The following ACTL8 variants were observed in gnomAD, a reference collection of about 807,000 sequenced individuals.
The protein encoded by ACTL8 is actin-like protein 8.
ACTL8 carries 3 observed loss-of-function variants against 9.3 expected under a neutral mutation model. The observed-to-expected ratio is 0.32, with a 90% CI of 0.15 to 0.83. The LOEUF (loss-of-function observed/expected upper bound fraction) is 0.83. ACTL8 is among the 40% of genes least tolerant of loss of function. The pLI is 0.57. For missense variants in ACTL8, 381 were observed against 492.2 expected, an observed-to-expected ratio of 0.77 and a Z score of 2.14; for synonymous variants, 224 against 205.9, an observed-to-expected ratio of 1.09 and a Z score of -0.75.
chr1:17,816,886 C>G (rs937755135), intron 1 of ACTL8, among the ~76,000 whole-genome samples: 3 of 152,140 alleles, frequency 2.0e-5, no homozygotes, highest in African/African-American at 7.2e-5. Context: ...TTTGCTCAGT[C>G]TTGGCTGTGC....
At chr1:17,819,964 G>T (rs775085501) in intron 1 of ACTL8, among the ~76,000 whole-genome samples, 2 of 151,880 alleles carry the variant, frequency 1.3e-5, no homozygotes, top group Non-Finnish European at 2.9e-5. Context: ...AGACGCGATC[G>T]TGCCACTGCC....
At position 17,826,044 on chromosome 1, in the gene ACTL8, T is replaced by A; in HGVS notation, c.626T>A (p.Met209Lys). 6.2e-7 allele frequency: 1 copy of A among 1,606,648 alleles called. No individual in the cohort carries two copies. The highest frequency in any genetic ancestry group is 8.5e-7 in the Non-Finnish European group (1 of 1,179,990). Residue 209 changes from methionine (M) to lysine (K), a missense_variant, in exon 3 of 3, where the codon ATG becomes AAG. Met to Lys is a moderately conservative substitution (Grantham distance 95). This residue lies in a region of ACTL8 where 243 missense variants were observed against 276.2 expected (regional missense o/e 0.88). Transcript: ENST00000375406. The surrounding 1 kb of genome is among the most constrained non-coding windows in gnomAD (Gnocchi z 4.5). ...CTGGAGACAGTCGCCGTGACTCAGATGAACAAGTGCTACGTGCCGCAGAAT... is the reference window on the plus strand; with the variant it reads ...CTGGAGACAGTCGCCGTGACTCAGAAGAACAAGTGCTACGTGCCGCAGAAT... ...FQLETVAVTQ[M>K]NKCYVPQNLG...
intron 1 of ACTL8, among the ~76,000 whole-genome samples, chr1:17,764,503 C>T (rs1031221982): frequency 1.8e-4 from 27 of 152,158 alleles, no homozygotes; most frequent in African/African-American, 6.3e-4. Context: ...TTCTGACAGG[C>T]AGCTTCCAGT....
At chr1:17,812,735 C>T (rs1029618582) in intron 1 of ACTL8, among the ~76,000 whole-genome samples, 1 of 151,758 alleles carries the variant, frequency 6.6e-6, no homozygotes, top group Non-Finnish European at 1.5e-5. Context: ...TCAGGCAACC[C>T]ACCCGCCTCA....
intron 1 of ACTL8, among the ~76,000 whole-genome samples, chr1:17,794,226 G>T (rs1326214513): frequency 6.6e-6 from 1 of 152,156 alleles, no homozygotes; most frequent in Non-Finnish European, 1.5e-5. Context: ...TGACCTTTTA[G>T]CCCGTGGTTA....
intron 1 of ACTL8, among the ~76,000 whole-genome samples, chr1:17,809,034 C>T (rs867840727): frequency 6.6e-6 from 1 of 152,106 alleles, no homozygotes; most frequent in Non-Finnish European, 1.5e-5. Flanking sequence ...TTTAGGGACA[C>T]GGGAGTGCAG....
chr1:17,761,312 C>A (rs188525229), intron 1 of ACTL8, among the ~76,000 whole-genome samples: 1 of 151,902 alleles, frequency 6.6e-6, no homozygotes, highest in African/African-American at 2.4e-5. Context: ...AAGGGCCTAG[C>A]GCAGTGCCTG....
intron 1 of ACTL8, among the ~76,000 whole-genome samples, chr1:17,768,940 A>G (rs748711355): frequency 1.3e-5 from 2 of 152,160 alleles, no homozygotes; most frequent in African/African-American, 2.4e-5. Context: ...CATCCCTCCT[A>G]TGTGCCTGAC....
intron 1 of ACTL8, among the ~76,000 whole-genome samples, chr1:17,790,426 A>G (rs2066230924): frequency 1.3e-5 from 2 of 152,218 alleles, no homozygotes; most frequent in African/African-American, 4.8e-5. Flanking sequence ...GACAAACAGA[A>G]GGTGAGCAAG....
chr1:17,820,347 T>G (rs559146941), intron 1 of ACTL8, among the ~76,000 whole-genome samples: 1 of 152,186 alleles, frequency 6.6e-6, no homozygotes, highest in Non-Finnish European at 1.5e-5. Context: ...GGTTGTTCAT[T>G]CTGTTTTATT....
At chr1:17,792,926 C>G (rs2102688627) in intron 1 of ACTL8, among the ~76,000 whole-genome samples, 1 of 152,266 alleles carries the variant, frequency 6.6e-6, no homozygotes. Flanking sequence ...TAGGCTCTCT[C>G]TCTGGGGTGT....
At chr1:17,789,286 G>A (rs1210084206) in intron 1 of ACTL8, among the ~76,000 whole-genome samples, 1 of 152,082 alleles carries the variant, frequency 6.6e-6, no homozygotes, top group Non-Finnish European at 1.5e-5. Context: ...GGGCAGGGGA[G>A]GACTGGGAAA....
intron 1 of ACTL8, among the ~76,000 whole-genome samples, chr1:17,773,623 T>C (rs2066098186): frequency 6.6e-6 from 1 of 152,160 alleles, no homozygotes; most frequent in Non-Finnish European, 1.5e-5. Flanking sequence ...TGGGGAGCAA[T>C]TTAGCCTGAT....
Position 17,756,804 on chromosome 1 carries a change from C to T in ACTL8, c.-25+1300C>T, listed in dbSNP as rs375186450. ...TGACATTATATGAGTCTATCATTTG[C>T]GGTTAAGACAAAATGCCACCTGAGG... is the stretch of plus-strand genomic sequence containing the variant. On this transcript the variant is annotated intron_variant, in intron 1 of 2. Transcript: ENST00000375406. Among the ~76,000 whole-genome samples the T allele has an allele frequency of 4.6e-5, 7 of 152,106 alleles. No individual in the cohort carries two copies. In the East Asian group the frequency reaches 7.7e-4, roughly 17 times the overall value.
intron 1 of ACTL8, among the ~76,000 whole-genome samples, chr1:17,820,670 G>C (rs11807495): frequency 0.023 from 3,441 of 151,810 alleles, 128 homozygotes; most frequent in African/African-American, 0.076. Flanking sequence ...TGGGTTCAAG[G>C]GAATCTCCTC....
intron 1 of ACTL8, among the ~76,000 whole-genome samples, chr1:17,795,458 A>C (rs982589469): frequency 1.3e-5 from 2 of 152,274 alleles, no homozygotes; most frequent in Non-Finnish European, 2.9e-5. Flanking sequence ...GTAGTAAAAT[A>C]TAACAGGTGT....
At chr1:17,764,711 C>G (rs770964476) in intron 1 of ACTL8, among the ~76,000 whole-genome samples, 4 of 152,234 alleles carry the variant, frequency 2.6e-5, no homozygotes, top group Non-Finnish European at 5.9e-5. Context: ...GTTTTAATAG[C>G]TGAATATTTC....
chr1:17,802,349 G>A (rs755662589), intron 1 of ACTL8, among the ~76,000 whole-genome samples: 3 of 152,058 alleles, frequency 2.0e-5, no homozygotes, highest in Non-Finnish European at 4.4e-5. Context: ...AATGGTACTA[G>A]TCATGAGGGT....
intron 1 of ACTL8, 46 bp downstream of exon 1, chr1:17,755,550 C>T (rs2065960910): frequency 6.6e-6 from 1 of 150,814 alleles, no homozygotes; most frequent in Admixed American, 6.6e-5. Context: ...GTTGTGGCCC[C>T]TGACTGTTTT....
Sources: allele counts gnomAD v4.1 joint callset (sites outside exome capture counted in the v4.1 genomes callset), GRCh38; gene constraint gnomAD v4.1.1; regional missense constraint gnomAD v4.1.1; non-coding constraint Gnocchi (gnomAD v3.1); transcripts MANE v1.5; gene names NCBI Gene and HGNC (gene_info 2026-07-23, HGNC 2026-07-21).